ITGAX: variants seen among roughly 807,000 people sequenced by gnomAD.
ITGAX encodes integrin subunit alpha X.
In ITGAX, 99 loss-of-function variants were observed where a neutral mutation model predicts 140.2. The observed-to-expected ratio is 0.71, with a 90% CI of 0.60 to 0.83. The LOEUF is 0.83. Ranked by LOEUF, ITGAX falls within the 40% of genes least tolerant of loss-of-function variation. The pLI, the probability that ITGAX is intolerant of heterozygous loss-of-function variation, is 0.00. For missense variants in ITGAX, 1,444 were observed against 1,482.0 expected, an observed-to-expected ratio of 0.97 and a Z score of 0.42; for synonymous variants, 631 against 600.4, an observed-to-expected ratio of 1.05 and a Z score of -0.75.
chr16:31,362,346 C>T, intron 11 of ITGAX, 142 bp downstream of exon 11: 1 of 819,518 alleles, frequency 1.2e-6, no homozygotes. Flanking sequence ...CACTGTGCTG[C>T]CCGGGGTGGG....
chr16:31,358,827 C>CT (rs1245535817), intron 5 of ITGAX, among the ~76,000 whole-genome samples: 4 of 126,888 alleles, frequency 3.2e-5, no homozygotes, highest in East Asian at 2.4e-4. Flanking sequence ...TTTTTTTTTT[C>CT]TTTTTTTTTA....
intron 13 of ITGAX, 28 bp downstream of exon 13, chr16:31,363,103 T>A: frequency 1.8e-6 from 1 of 565,384 alleles, no homozygotes. Context: ...CTGGGGTGGG[T>A]GGGGTCTGGT....
intron 20 of ITGAX, among the ~76,000 whole-genome samples, chr16:31,375,075 G>A (rs904698976): frequency 2.0e-5 from 3 of 152,002 alleles, no homozygotes; most frequent in African/African-American, 7.2e-5. Context: ...GGGTGCAGTG[G>A]CACGATCTTG....
Position 31,382,167 on chromosome 16 carries a change from C to CA in ITGAX, c.*262dup, listed in dbSNP as rs756517895. ...CAATTTCTACCTAGAAATACATGGA[C>CA]AATACCCCCAGGCCTCAGTCTCCCT... On this transcript the variant is annotated 3_prime_UTR_variant, in exon 30 of 30. Coordinates refer to ENST00000268296, the MANE Select transcript of ITGAX (RefSeq NM_000887.5). 257 of 1,396,210 alleles carry CA rather than the reference C, an allele frequency of 1.8e-4. No homozygotes were observed. Among genetic ancestry groups the CA allele is most frequent in the Non-Finnish European group, 2.3e-4 (248 of 1,080,050 alleles). 86.5% of individuals were successfully genotyped at this position (1,396,210 alleles called of 1,614,324 possible).
intron 17 of ITGAX, among the ~76,000 whole-genome samples, chr16:31,372,170 G>GT (rs982216714): frequency 6.6e-6 from 1 of 151,696 alleles, no homozygotes; most frequent in African/African-American, 2.4e-5. Context: ...AGGTCTGGGG[G>GT]GGGGGAGGAA....
In ITGAX at chr16:31,363,279, G is replaced by A. The variant is rs752399211; in HGVS notation, c.1615G>A (p.Val539Met). The change falls in exon 14 of 30, where the codon GTG (valine) becomes ATG (methionine). Residue 539 changes from valine (V) to methionine (M), a missense_variant. Transcript: ENST00000268296. ...TGTGAATGGGGACAAGCTGACAGAC[G>A]TGGTCATCGGGGCCCCAGGAGAGGA... Reference protein sequence around the residue: ...GDVNGDKLTDVVIGAPGEEEN... With the variant: ...GDVNGDKLTDMVIGAPGEEEN... 7 of 1,614,006 alleles carry A rather than the reference G, an allele frequency of 4.3e-6. No homozygotes were observed. The highest frequency in any genetic ancestry group is 2.2e-5 in the East Asian group (1 of 44,882).
chr16:31,373,094 TA>T (rs967685799), intron 19 of ITGAX, among the ~76,000 whole-genome samples, 154 bp from the exon 20 acceptor site: 1 of 114,298 alleles, frequency 8.7e-6, no homozygotes, highest in Non-Finnish European at 1.7e-5. Context: ...CTCTGTCTCT[TA>T]AAAAAAAAGA....
intron 12 of ITGAX, 62 bp downstream of exon 12, chr16:31,362,815 G>T: frequency 6.2e-7 from 1 of 1,608,888 alleles, no homozygotes; most frequent in Non-Finnish European, 8.5e-7. Context: ...GGGCAGAGGA[G>T]AGGATGGAGG....
chr16:31,378,491 A>G (rs922594692), intron 23 of ITGAX, among the ~76,000 whole-genome samples: 2 of 151,440 alleles, frequency 1.3e-5, no homozygotes, highest in African/African-American at 4.9e-5. Flanking sequence ...TTTAAAGCCC[A>G]GGTCTTGCTC....
chr16:31,361,446 A>G lies in ITGAX; in HGVS notation c.1012+233A>G, dbSNP rs1256727790. 4.4e-6 allele frequency: 3 copies of G among 675,148 alleles called. No individual in the cohort carries two copies. The African/African-American group carries it at 5.4e-5, about 12-fold the overall frequency. The allele number at this position is 675,148 out of a possible 1,614,324, so 41.8% of individuals were successfully genotyped here. On this transcript the variant is annotated intron_variant, in intron 9 of 29. Coordinates refer to ENST00000268296, the MANE Select transcript of ITGAX (RefSeq NM_000887.5). ...TCCCCACAGAGAGTGATCTCACACC[A>G]CCACCGGCTCCACTGCAGAACAAAA...
At chr16:31,362,887 G>C in intron 12 of ITGAX, 48 bp from the exon 13 acceptor site, 1 of 1,608,760 alleles carries the variant, frequency 6.2e-7, no homozygotes, top group Non-Finnish European at 8.5e-7. Context: ...GGCCCACAGG[G>C]CTGCCTCTGG....
chr16:31,362,002 G>T, intron 10 of ITGAX, 73 bp from the exon 11 acceptor site: 4 of 1,612,742 alleles, frequency 2.5e-6, no homozygotes, highest in Non-Finnish European at 3.4e-6. Flanking sequence ...AGGCGCAGGC[G>T]GAAGGCATAT....
Position 31,382,687 on chromosome 16 carries a change from C to A in ITGAX, c.*780C>A. On this transcript the variant is annotated 3_prime_UTR_variant, in exon 30 of 30. Coordinates refer to ENST00000268296, the MANE Select transcript of ITGAX (RefSeq NM_000887.5). ...GGCTGAATTGGGAGTGAGATGCCTG[C>A]ATGCTGGGTTCTGCACAGCTGGCCT... 1.6e-6 allele frequency: 1 copy of A among 606,242 alleles called. No individual in the cohort carries two copies. Among genetic ancestry groups the A allele is most frequent in the East Asian group, 2.9e-5 (1 of 34,658 alleles). The allele number at this position is 606,242 out of a possible 1,614,324, so 37.6% of individuals were successfully genotyped here. A position where few individuals can be genotyped will look rare whatever the true frequency, so the allele number is the denominator to read the frequency against.
chr16:31,369,149 G>A (rs1378618568), intron 14 of ITGAX, among the ~76,000 whole-genome samples: 1 of 152,046 alleles, frequency 6.6e-6, no homozygotes, highest in African/African-American at 2.4e-5. Flanking sequence ...GGTGGTGGCC[G>A]GGCAGAGGGG....
intron 5 of ITGAX, 132 bp from the exon 6 acceptor site, chr16:31,359,568 C>T (rs1031785642): frequency 4.9e-6 from 5 of 1,016,080 alleles, no homozygotes; most frequent in Non-Finnish European, 7.1e-6. Flanking sequence ...GGGTGTGGAG[C>T]CTGACTCCCA....
At chr16:31,369,295 C>A (rs1390985565) in intron 14 of ITGAX, among the ~76,000 whole-genome samples, 1 of 150,094 alleles carries the variant, frequency 6.7e-6, no homozygotes, top group Non-Finnish European at 1.5e-5. Flanking sequence ...GCTGACCCCC[C>A]CCCCCACCTC....
chr16:31,355,388 T>C, intron 1 of ITGAX, 97 bp downstream of exon 1: 1 of 1,336,502 alleles, frequency 7.5e-7, no homozygotes, highest in Non-Finnish European at 1.1e-6. Context: ...AGGATCTGGG[T>C]AGGAAGAGAG....
intron 14 of ITGAX, 56 bp from the exon 15 acceptor site, chr16:31,371,028 T>C: frequency 1.9e-6 from 3 of 1,611,132 alleles, no homozygotes; most frequent in Non-Finnish European, 2.5e-6. Flanking sequence ...TTGTTACTTA[T>C]TTCCAACTTC....
chr16:31,382,280 C>G lies in ITGAX; in HGVS notation c.*373C>G. The stretch of plus-strand genomic sequence containing the variant: ...TTTTTTTTTGAGACGGAGTCTCGCT[C>G]TGTCACCCAGGCTGGAGTGCAATGG... On this transcript the variant is annotated 3_prime_UTR_variant, in exon 30 of 30. Transcript: ENST00000268296. The G allele has an allele frequency of 1.2e-6, 1 of 863,714 alleles. No individual in the cohort carries two copies. The highest frequency in any genetic ancestry group is 1.5e-6 in the Non-Finnish European group (1 of 688,774). The allele number at this position is 863,714 out of a possible 1,614,324, so 53.5% of individuals were successfully genotyped here.
Sources: gnomAD v4.1 joint callset for allele counts (sites outside exome capture counted in the v4.1 genomes callset) on GRCh38, gnomAD v4.1.1 for gene constraint, MANE v1.5 for transcripts, NCBI Gene and HGNC (gene_info 2026-07-23, HGNC 2026-07-21) for gene names.